The following ILDR1 variants were observed in gnomAD, a reference collection of about 807,000 sequenced individuals.
ILDR1 encodes immunoglobulin-like domain-containing receptor 1.
A neutral mutation model predicts 62.4 loss-of-function variants in ILDR1; 56 were observed. That is an observed-to-expected ratio of 0.90 (90% CI 0.72 to 1.12). ILDR1 has a LOEUF of 1.12. Among genes scored for constraint, ILDR1 ranks in the 50% most tolerant of loss-of-function variants. The pLI is 0.00. For missense variants in ILDR1, 736 were observed against 710.6 expected (o/e 1.04, Z -0.41); for synonymous variants, 284 against 277.8 (o/e 1.02, Z -0.22).
At chr3:122,009,730 C>T (rs186308689) in intron 1 of ILDR1, among the ~76,000 whole-genome samples, 13 of 152,344 alleles carry the variant, frequency 8.5e-5, no homozygotes, top group African/African-American at 2.9e-4. Context: ...TATTATCCTA[C>T]GGAGCAGCTA....
At chr3:122,019,514 G>A (rs1231033148) in intron 1 of ILDR1, among the ~76,000 whole-genome samples, 2 of 152,174 alleles carry the variant, frequency 1.3e-5, no homozygotes, top group Non-Finnish European at 2.9e-5. Flanking sequence ...GATCTTGACA[G>A]ACACTTTGGG....
In ILDR1 at chr3:121,988,038, G is replaced by A. The variant is rs951787435; in HGVS notation, c.*329C>T. The A allele has an allele frequency of 5.2e-6, 2 of 382,586 alleles. No individual in the cohort carries two copies. The highest frequency in any genetic ancestry group is 1.0e-5 in the Non-Finnish European group (2 of 198,824). The allele number at this position is 382,586 out of a possible 1,614,324, so 23.7% of individuals were successfully genotyped here. Reference sequence around the variant, plus strand: ...AGGGATCCTTCTGCCTCAGCCTCTTGAGTAGCTGGGACTACAAGTGCATGC... The same window carrying A: ...AGGGATCCTTCTGCCTCAGCCTCTTAAGTAGCTGGGACTACAAGTGCATGC... On this transcript the variant is annotated 3_prime_UTR_variant, in exon 8 of 8. Coordinates refer to ENST00000344209, the MANE Select transcript of ILDR1 (RefSeq NM_001199799.2).
intron 1 of ILDR1, 185 bp from the exon 2 acceptor site, chr3:122,007,346 A>G (rs1420131073): frequency 4.5e-6 from 6 of 1,335,266 alleles, no homozygotes; most frequent in Non-Finnish European, 6.2e-6. Context: ...GAACGCACTC[A>G]GCAGCCTCAG....
At chr3:122,052,448 G>C in the ILDR1 span, among the ~76,000 whole-genome samples, 1 of 152,072 alleles carries the variant, frequency 6.6e-6, no homozygotes. Context: ...ATATCACCCA[G>C]TATTTTTTTG....
At chr3:122,024,632 G>A (rs763857745), upstream of ILDR1, among the ~76,000 whole-genome samples, 6 of 152,120 alleles carry the variant, frequency 3.9e-5, no homozygotes, top group Non-Finnish European at 7.3e-5. Context: ...AATGTTCTTA[G>A]TGCTTCACAT....
At chr3:121,995,680 C>G (rs2071426015) in intron 5 of ILDR1, among the ~76,000 whole-genome samples, 1 of 152,214 alleles carries the variant, frequency 6.6e-6, no homozygotes, top group African/African-American at 2.4e-5. Flanking sequence ...TCCACAGGCT[C>G]AGCACTGCCC....
At chr3:122,018,487 C>T (rs1279629669) in intron 1 of ILDR1, among the ~76,000 whole-genome samples, 1 of 151,888 alleles carries the variant, frequency 6.6e-6, no homozygotes, top group Non-Finnish European at 1.5e-5. Context: ...CACGTGTATA[C>T]CTATGTAACA....
chr3:122,042,803 T>A, the ILDR1 span, among the ~76,000 whole-genome samples: 1 of 152,228 alleles, frequency 6.6e-6, no homozygotes. Context: ...TCATTGTAGA[T>A]TCTGGATATT....
At chr3:122,032,461 C>G in the ILDR1 span, among the ~76,000 whole-genome samples, 2 of 152,302 alleles carry the variant, frequency 1.3e-5, no homozygotes, top group South Asian at 4.1e-4. Flanking sequence ...GAGGGTCACC[C>G]ATCCATCCAT....
intron 5 of ILDR1, among the ~76,000 whole-genome samples, chr3:122,000,865 C>CA (rs2071512744): frequency 6.6e-6 from 1 of 152,340 alleles, no homozygotes; most frequent in Non-Finnish European, 1.5e-5. Flanking sequence ...AAAACACACA[C>CA]ACACTTGGTG....
At chr3:122,051,005 A>G in the ILDR1 span, among the ~76,000 whole-genome samples, 1 of 152,100 alleles carries the variant, frequency 6.6e-6, no homozygotes, top group African/African-American at 2.4e-5. Flanking sequence ...ATCCATTGCT[A>G]ATCTTATAGG....
At chr3:122,021,218 A>C (rs7627252) in intron 1 of ILDR1, among the ~76,000 whole-genome samples, 34,141 of 151,996 alleles carry the variant, frequency 0.22, 4,104 homozygotes, top group South Asian at 0.29. Context: ...GGAACTTATA[A>C]ATTCTTCTTT....
the ILDR1 span, among the ~76,000 whole-genome samples, chr3:122,059,439 G>A: frequency 6.6e-6 from 1 of 151,986 alleles, no homozygotes; most frequent in African/African-American, 2.4e-5. Flanking sequence ...GGGAGACTGA[G>A]GCACGAGAAT....
upstream of ILDR1, among the ~76,000 whole-genome samples, chr3:122,023,953 A>G (rs2071899553): frequency 6.6e-6 from 1 of 152,046 alleles, no homozygotes. Context: ...GTTTGTGAAT[A>G]GTCTTCGGCA....
rs531504061 is a variant in ILDR1, at chr3:122,012,088, C to G, written c.59-4927G>C. On this transcript the variant is annotated intron_variant, in intron 1 of 7. Coordinates refer to ENST00000344209, the MANE Select transcript of ILDR1 (RefSeq NM_001199799.2). ...AAGGAAAGGCAGTAGCAAGACAGTC[C>G]ATCTCAAAGGCAAAAATCACCCACT... Among the ~76,000 whole-genome samples the G allele has an allele frequency of 2.4e-3, 365 of 152,262 alleles. 3 individuals carry two copies. Among genetic ancestry groups the G allele is most frequent in the Non-Finnish European group, 3.9e-3 (265 of 68,016 alleles).
the ILDR1 span, among the ~76,000 whole-genome samples, chr3:122,030,304 T>C: frequency 6.6e-6 from 1 of 152,150 alleles, no homozygotes; most frequent in South Asian, 2.1e-4. Flanking sequence ...GTCTGAAGTT[T>C]GCCACCACCT....
intron 5 of ILDR1, among the ~76,000 whole-genome samples, chr3:121,997,005 A>G (rs750559793): frequency 6.6e-6 from 1 of 152,074 alleles, no homozygotes; most frequent in Non-Finnish European, 1.5e-5. Context: ...GGTTCAAGCG[A>G]TTCTTCTGTC....
the ILDR1 span, among the ~76,000 whole-genome samples, chr3:122,037,397 C>T: frequency 5.9e-5 from 9 of 152,206 alleles, no homozygotes; most frequent in South Asian, 4.1e-4. Flanking sequence ...CATCAGTGTG[C>T]CATGAGTGTG....
At position 121,987,825 on chromosome 3, in the gene ILDR1, T is replaced by C. The variant is rs2071273583; in HGVS notation, c.*542A>G. The C allele has an allele frequency of 9.1e-6, 2 of 220,820 alleles. No homozygotes were observed. The highest frequency in any genetic ancestry group is 1.8e-5 in the Non-Finnish European group (2 of 110,366). The allele number at this position is 220,820 out of a possible 1,614,324, so 13.7% of individuals were successfully genotyped here. ...TCAGGGTCCATTACAAGTCAGAGATTATATAAATATGCAAGAGAGCATGAA... is the reference window on the plus strand; with the variant it reads ...TCAGGGTCCATTACAAGTCAGAGATCATATAAATATGCAAGAGAGCATGAA... On this transcript the variant is annotated 3_prime_UTR_variant, in exon 8 of 8. Coordinates refer to ENST00000344209, the MANE Select transcript of ILDR1 (RefSeq NM_001199799.2).
Sources: gnomAD v4.1 joint callset for allele counts (sites outside exome capture counted in the v4.1 genomes callset) on GRCh38, gnomAD v4.1.1 for gene constraint, MANE v1.5 for transcripts, NCBI Gene and HGNC (gene_info 2026-07-23, HGNC 2026-07-21) for gene names.